Variants in SPATA13 observed in about 807,000 individuals in gnomAD.
SPATA13 encodes spermatogenesis associated 13.
SPATA13 carries 50 observed loss-of-function variants against 104.0 expected under a neutral mutation model. That is an observed-to-expected ratio of 0.48 (90% confidence interval 0.38 to 0.61). The LOEUF (loss-of-function observed/expected upper bound fraction) is 0.61, where lower values mean the gene tolerates loss of function less well. Ranked by LOEUF, SPATA13 falls within the 20% of genes least tolerant of loss-of-function variation. SPATA13 has a pLI of 0.00. For synonymous variants in SPATA13, 606 were observed against 667.5 expected (o/e 0.91, Z 1.42); for missense variants, 1,524 against 1,690.6 (o/e 0.90, Z 1.73).
chr13:24,300,039 A>T (rs1000897453), intron 11 of SPATA13, among the ~76,000 whole-genome samples: 3 of 151,974 alleles, frequency 2.0e-5, no homozygotes, highest in African/African-American at 7.3e-5. Context: ...ACGCCCTGGG[A>T]CCCTTTGCTC....
chr13:24,081,416 A>G (rs1042280560), intron 3 of SPATA13, among the ~76,000 whole-genome samples: 4 of 152,038 alleles, frequency 2.6e-5, no homozygotes, highest in African/African-American at 9.7e-5. Context: ...GTCCTTGGAT[A>G]TGTATGCATC....
chr13:24,160,007 T>G (rs1191796005), upstream of SPATA13, among the ~76,000 whole-genome samples: 1 of 152,188 alleles, frequency 6.6e-6, no homozygotes, highest in African/African-American at 2.4e-5. Flanking sequence ...GATTAGGCCT[T>G]GAGCCTCACA....
At chr13:24,035,757 T>TGC (rs1877655361) in intron 3 of SPATA13, among the ~76,000 whole-genome samples, 1 of 152,194 alleles carries the variant, frequency 6.6e-6, no homozygotes, top group African/African-American at 2.4e-5. Flanking sequence ...CGCACACCTG[T>TGC]TCTCCCAGCA....
At chr13:24,214,224 A>T (rs543124834) in intron 1 of SPATA13, among the ~76,000 whole-genome samples, 2 of 152,350 alleles carry the variant, frequency 1.3e-5, no homozygotes, top group African/African-American at 4.8e-5. Flanking sequence ...CATGTGGTAC[A>T]TCTTCTGCAC....
chr13:23,992,199 A>T (rs2137660813), intron 2 of SPATA13, among the ~76,000 whole-genome samples: 1 of 152,308 alleles, frequency 6.6e-6, no homozygotes, highest in Middle Eastern at 3.4e-3. Context: ...TGTGCTGTCA[A>T]CCCAGGGACC....
chr13:24,060,445 A>G (rs994535668), intron 3 of SPATA13, among the ~76,000 whole-genome samples: 3 of 152,260 alleles, frequency 2.0e-5, no homozygotes, highest in African/African-American at 7.2e-5. Context: ...AGAGGGATTA[A>G]AAACTTAAAT....
intron 3 of SPATA13, chr13:24,034,395 G>C (rs114819065): frequency 1.3e-5 from 2 of 152,290 alleles, no homozygotes; most frequent in South Asian, 2.1e-4. Flanking sequence ...AACTGGTTGG[G>C]TCCAATCACT....
At chr13:24,235,863 A>T (rs1215188482) in intron 2 of SPATA13, among the ~76,000 whole-genome samples, 1 of 152,258 alleles carries the variant, frequency 6.6e-6, no homozygotes, top group Non-Finnish European at 1.5e-5. Context: ...TTGGGATTTT[A>T]AAAAAGTAAC....
intron 2 of SPATA13, among the ~76,000 whole-genome samples, chr13:24,239,285 G>A (rs1426214878): frequency 1.3e-5 from 2 of 152,134 alleles, no homozygotes; most frequent in Admixed American, 6.6e-5. Flanking sequence ...CTGAAACGTG[G>A]TCACTGATTT....
At chr13:24,076,711 T>TC in intron 3 of SPATA13, among the ~76,000 whole-genome samples, 1 of 151,510 alleles carries the variant, frequency 6.6e-6, no homozygotes, top group Non-Finnish European at 1.5e-5. Flanking sequence ...GAAGGAAGGA[T>TC]CCGCTCACAA....
At chr13:24,005,726 AT>A (rs1363331159) in intron 2 of SPATA13, among the ~76,000 whole-genome samples, 1 of 152,034 alleles carries the variant, frequency 6.6e-6, no homozygotes, top group Non-Finnish European at 1.5e-5. Context: ...GTAGAGGGGC[AT>A]TTTCTGAGGA....
At chr13:23,980,206 A>G (rs1286396035) in intron 1 of SPATA13, among the ~76,000 whole-genome samples, 2 of 152,152 alleles carry the variant, frequency 1.3e-5, no homozygotes, top group Admixed American at 1.3e-4. Context: ...AAGAAAAGAA[A>G]AGTTGCCGCG....
At chr13:24,300,580 AAC>A in intron 12 of SPATA13, 105 bp downstream of exon 12, 1 of 1,042,450 alleles carries the variant, frequency 9.6e-7, no homozygotes. Flanking sequence ...GAGCAAGGAG[AAC>A]AGTAGAAGTT....
At chr13:24,293,187 TA>T (rs1463553454) in intron 9 of SPATA13, among the ~76,000 whole-genome samples, 3 of 150,866 alleles carry the variant, frequency 2.0e-5, no homozygotes, top group East Asian at 1.9e-4. Flanking sequence ...GAGAGCTATA[TA>T]TTTTTTTCTT....
intron 3 of SPATA13, among the ~76,000 whole-genome samples, chr13:24,103,161 T>C (rs748688161): frequency 9.9e-5 from 15 of 152,194 alleles, no homozygotes; most frequent in Admixed American, 5.2e-4. Context: ...AAAATAGTTC[T>C]GAATACGTCA....
At chr13:24,242,894 T>G (rs1005468135) in intron 2 of SPATA13, among the ~76,000 whole-genome samples, 1 of 152,206 alleles carries the variant, frequency 6.6e-6, no homozygotes, top group Non-Finnish European at 1.5e-5. Context: ...AACAGGCCTA[T>G]GCAGGGTATT....
intron 1 of SPATA13, among the ~76,000 whole-genome samples, chr13:24,170,625 G>A (rs1882930707): frequency 6.9e-6 from 1 of 144,868 alleles, no homozygotes; most frequent in South Asian, 2.2e-4. Flanking sequence ...AACACTCTGT[G>A]TGAATTGGAA....
rs528622684 is a variant in SPATA13, at chr13:24,009,162, C to T, written c.-146-8505C>T. Among the ~76,000 whole-genome samples, 8 of 152,308 alleles carry T rather than the reference C, an allele frequency of 5.3e-5. No individual in the cohort carries two copies. The South Asian group carries it at 1.7e-3, about 32-fold the overall frequency. On this transcript the variant is annotated intron_variant, in intron 2 of 14. Transcript: ENST00000424834. ...CACCTAAACTCTGCTCTGGTTCTTC[C>T]TGGAGCTGACACATTTAGTTCAGTG...
chr13:24,028,987 G>T (rs1877356388), intron 3 of SPATA13, among the ~76,000 whole-genome samples: 2 of 152,008 alleles, frequency 1.3e-5, no homozygotes, highest in African/African-American at 2.4e-5. Flanking sequence ...GCCTGGGCCA[G>T]TATTTTTTTC....
Sources: gnomAD v4.1 joint callset for allele counts (sites outside exome capture counted in the v4.1 genomes callset) on GRCh38, gnomAD v4.1.1 for gene constraint, MANE v1.5 for transcripts, NCBI Gene and HGNC (gene_info 2026-07-23, HGNC 2026-07-21) for gene names.